The following PRX variants were observed in gnomAD, a reference collection of about 807,000 sequenced individuals.
PRX encodes periaxin.
Under a neutral mutation model 29.6 loss-of-function variants are expected in PRX, and 24 were observed. The ratio of observed to expected loss-of-function variants is 0.81; its 90% CI spans 0.59 to 1.14. PRX has a LOEUF of 1.14. PRX is among the 50% of genes most tolerant of loss of function. The pLI is 0.00. For synonymous variants in PRX, 772 were observed against 831.7 expected (o/e 0.93, Z 1.24); for missense variants, 1,838 against 1,926.4 (o/e 0.95, Z 0.86).
At chr19:40,407,800 A>G (rs2079538902) in intron 4 of PRX, 106 bp downstream of exon 4, 3 of 1,487,044 alleles carry the variant, frequency 2.0e-6, no homozygotes, top group Non-Finnish European at 2.8e-6. Context: ...CATTTCACAG[A>G]TGGAGAGAAT....
Position 40,398,452 on chromosome 19 carries a change from C to T in PRX, c.381+168G>A. On this transcript the variant is annotated intron_variant, in intron 6 of 6. Coordinates refer to ENST00000324001, the MANE Select transcript of PRX (RefSeq NM_181882.3). This position sits in a 1 kb window ranked among gnomAD's most constrained non-coding sequence, Gnocchi z 6.3. ...GGCTGGGGTGGGTCTGTCCCCCTTCCCGGGGAAGAGTTTGGGGCAGAGAGG... is the reference window on the plus strand; with the variant it reads ...GGCTGGGGTGGGTCTGTCCCCCTTCTCGGGGAAGAGTTTGGGGCAGAGAGG... 2 of 1,518,552 alleles carry T rather than the reference C, an allele frequency of 1.3e-6. No homozygotes were observed. Among genetic ancestry groups the T allele is most frequent in the East Asian group, 4.5e-5 (2 of 44,010 alleles). 94.1% of individuals were successfully genotyped at this position (1,518,552 alleles called of 1,614,324 possible).
At position 40,395,422 on chromosome 19, in the gene PRX, G is replaced by C; in HGVS notation, c.2930C>G (p.Ala977Gly). Residue 977 changes from alanine (A) to glycine (G), a missense_variant, in exon 7 of 7, where the codon GCC (alanine) becomes GGC (glycine). Ala to Gly is a moderately conservative substitution (Grantham distance 60, BLOSUM62 0). Around this residue, in one of 3 missense-constraint regions of PRX, gnomAD observed 1,143 missense variants for 1,193.0 expected, o/e 0.96. Coordinates refer to ENST00000324001, the MANE Select transcript of PRX (RefSeq NM_181882.3). ...CAGGCCTGCCTCCCCAGCCCCTTTGGCCTCAGCCTCAGCCCCCACCCGAGC... is the reference window on the plus strand; with the variant it reads ...CAGGCCTGCCTCCCCAGCCCCTTTGCCCTCAGCCTCAGCCCCCACCCGAGC... Reference protein sequence around the residue: ...PKARVGAEAEAKGAGEAGLLP... With the variant: ...PKARVGAEAEGKGAGEAGLLP... The C allele has an allele frequency of 6.2e-7, 1 of 1,613,886 alleles. No individual in the cohort carries two copies. Among genetic ancestry groups the C allele is most frequent in the Non-Finnish European group, 8.5e-7 (1 of 1,179,958 alleles).
At chr19:40,407,253 T>TGTGTGTGTGTGTG (rs1303300315) in intron 4 of PRX, among the ~76,000 whole-genome samples, 5 of 147,098 alleles carry the variant, frequency 3.4e-5, no homozygotes, top group African/African-American at 1.3e-4. Flanking sequence ...TGTGTGTGTG[T>TGTGTGTGTGTGTG]TTAGACAGGG....
Position 40,399,913 on chromosome 19 carries a change from C to CTTTCTTTCT in PRX, c.185-1106_185-1098dup, listed in dbSNP as rs1568712060. Among the ~76,000 whole-genome samples, 215 of 115,054 alleles carry CTTTCTTTCT rather than the reference C, an allele frequency of 1.9e-3. 1 individual carries two copies. The highest frequency in any genetic ancestry group is 5.4e-3 in the East Asian group (23 of 4,230). The allele number at this position is 115,054 out of a possible 152,430, so 75.5% of individuals were successfully genotyped here. A position where few individuals can be genotyped will look rare whatever the true frequency, so the allele number is the denominator to read the frequency against. On this transcript the variant is annotated intron_variant, in intron 5 of 6. Coordinates refer to ENST00000324001, the MANE Select transcript of PRX (RefSeq NM_181882.3). ...TTTCTTTCTTTCTTTCTTTTTCTTT[C>CTTTCTTTCT]TTTCTTTCTTTCACCCAGCTTTCTT...
chr19:40,408,846 T>A lies in PRX; in HGVS notation c.-242-463A>T, dbSNP rs74856338. On this transcript the variant is annotated intron_variant, in intron 1 of 6. Coordinates refer to ENST00000324001, the MANE Select transcript of PRX (RefSeq NM_181882.3). ...GTGTGTGTGTGTGTGTGTGTGTGTG[T>A]GAGAGAGAGAGTTTTGCTCTGTCAC... is the stretch of plus-strand genomic sequence containing the variant. Among the ~76,000 whole-genome samples, 807 of 148,210 alleles carry A rather than the reference T, an allele frequency of 5.4e-3. 1 individual carries two copies. Among genetic ancestry groups the A allele is most frequent in the East Asian group, 0.012 (60 of 5,110 alleles).
rs775216728 is a variant in PRX, at chr19:40,407,921, C to T, written c.12G>A (p.Arg4=). 2 of 1,613,820 alleles carry T rather than the reference C, an allele frequency of 1.2e-6. No homozygotes were observed. The highest frequency in any genetic ancestry group is 1.7e-6 in the Non-Finnish European group (2 of 1,180,046). The change falls in exon 4 of 7, where the codon AGG becomes AGA. Residue 4 remains arginine, a synonymous_variant. Coordinates refer to ENST00000324001, the MANE Select transcript of PRX (RefSeq NM_181882.3). MEA[R]SRSAEELRRA... ...GGGCACTCACCTCGGCACTCCGGCTCCTGGCCTCCATGGCGTTGCTGGGAG... is the reference window on the plus strand; with the variant it reads ...GGGCACTCACCTCGGCACTCCGGCTTCTGGCCTCCATGGCGTTGCTGGGAG...
chr19:40,404,424 T>TGGGGGGGGGGGGGGGGGGG (rs71171571), intron 4 of PRX, among the ~76,000 whole-genome samples: 1 of 65,458 alleles, frequency 1.5e-5, no homozygotes, highest in African/African-American at 5.2e-5. Flanking sequence ...AGGGCGGGGC[T>TGGGGGGGGGGGGGGGGGGG]GGGGGGGGTT....
At chr19:40,409,479 T>TATTATTATTATC (rs893270646) in intron 1 of PRX, among the ~76,000 whole-genome samples, 14 of 149,002 alleles carry the variant, frequency 9.4e-5, no homozygotes, top group Non-Finnish European at 2.1e-4. Flanking sequence ...TTATTATTAT[T>TATTATTATTATC]ATTATTATTT....
chr19:40,395,573 G>A lies in PRX; in HGVS notation c.2779C>T (p.Pro927Ser), dbSNP rs1568704990. ...TTAGGTAAGGAGAACTTGGAAGAGG[G>A]CTTGACTTTTGTCTCTATCATCTCC... is the stretch of plus-strand genomic sequence containing the variant. ...RLEMIETKVK[P>S]SSKFSLPKFG... Residue 927 changes from proline to serine, a missense_variant, in exon 7 of 7, where the codon CCC (proline) becomes TCC (serine). Around this residue, in one of 3 missense-constraint regions of PRX, gnomAD observed 1,143 missense variants for 1,193.0 expected, o/e 0.96. Transcript: ENST00000324001. 1.2e-6 allele frequency: 2 copies of A among 1,614,174 alleles called. No individual in the cohort carries two copies. Among genetic ancestry groups the A allele is most frequent in the South Asian group, 1.1e-5 (1 of 91,076 alleles).
In PRX at chr19:40,394,326, C is replaced by G; in HGVS notation, c.4026G>C (p.Glu1342Asp). The stretch of plus-strand genomic sequence containing the variant: ...TGGGGGACCCTTCCCCAGTGACCAT[C>G]TCACTTTGGCTGAAGCCCACTCGGG... ...RLPRVGFSQSEMVTGEGSPSP... is the reference protein window; with the variant it reads ...RLPRVGFSQSDMVTGEGSPSP... Residue 1342 changes from glutamate (E) to aspartate (D), a missense_variant, in exon 7 of 7, where the codon GAG becomes GAC. Coordinates refer to ENST00000324001, the MANE Select transcript of PRX (RefSeq NM_181882.3). This position sits in a 1 kb window ranked among gnomAD's most constrained non-coding sequence, Gnocchi z 5.8. 6.2e-7 allele frequency: 1 copy of G among 1,609,094 alleles called. No individual in the cohort carries two copies. Among genetic ancestry groups the G allele is most frequent in the Non-Finnish European group, 8.5e-7 (1 of 1,177,594 alleles).
At chr19:40,405,230 T>C (rs987946611) in intron 4 of PRX, among the ~76,000 whole-genome samples, 1 of 152,134 alleles carries the variant, frequency 6.6e-6, no homozygotes, top group African/African-American at 2.4e-5. Flanking sequence ...GGATTCACAA[T>C]AGGGCTTCCC....
intron 4 of PRX, 92 bp from the exon 5 acceptor site, chr19:40,403,954 TA>T: frequency 7.4e-7 from 1 of 1,353,388 alleles, no homozygotes; most frequent in Non-Finnish European, 1.0e-6. Flanking sequence ...CATATACATA[TA>T]TATGTTTATA....
In PRX at chr19:40,397,663, G is replaced by A. The variant is rs543910962; in HGVS notation, c.689C>T (p.Thr230Ile). The A allele has an allele frequency of 1.1e-5, 17 of 1,552,412 alleles. No individual in the cohort carries two copies. In the East Asian group the frequency reaches 2.4e-4, roughly 22 times the overall value. Residue 230 changes from threonine to isoleucine, a missense_variant, in exon 7 of 7, where the codon ACA (threonine) becomes ATA (isoleucine). This residue lies in a region of PRX where 666 missense variants were observed against 665.0 expected (regional missense o/e 1.00). Transcript: ENST00000324001. ...CCCAACCAGCTCCACCTGAGGGGCT[G>A]TGAAACGAGCTCCTGCAGCCACCTC... is the stretch of plus-strand genomic sequence containing the variant. ...EAEVAAGARF[T>I]APQVELVGPR...
chr19:40,414,162 G>A (rs1239365024), upstream of PRX, among the ~76,000 whole-genome samples: 1 of 152,000 alleles, frequency 6.6e-6, no homozygotes, highest in Non-Finnish European at 1.5e-5. Context: ...TCACTCTGTT[G>A]CCCAGGCTGG....
Position 40,393,934 on chromosome 19 carries a change from G to A in PRX, c.*32C>T, listed in dbSNP as rs983485749. On this transcript the variant is annotated 3_prime_UTR_variant, in exon 7 of 7. Coordinates refer to ENST00000324001, the MANE Select transcript of PRX (RefSeq NM_181882.3). ...AACAGCGAGGGGGTAGAGAAAGGAA[G>A]GCAAGAAGGGATCCCCATCTGACTA... 3.1e-6 allele frequency: 5 copies of A among 1,606,026 alleles called. No individual in the cohort carries two copies. Among genetic ancestry groups the A allele is most frequent in the Non-Finnish European group, 2.5e-6 (3 of 1,179,646 alleles).
chr19:40,413,639 A>G (rs2079569498), upstream of PRX, among the ~76,000 whole-genome samples: 1 of 152,096 alleles, frequency 6.6e-6, no homozygotes, highest in Admixed American at 6.5e-5. Flanking sequence ...GACTTGGAGA[A>G]TCAGGACCCC....
Position 40,394,457 on chromosome 19 carries a change from C to T in PRX, c.3895G>A (p.Glu1299Lys). ...CGTACCTTGAGCTTGTGTCCGGCCT[C>T]TCCCTCCCCCTCTGCCACCTGGTAC... ...AEYQVAEGEG[E>K]AGHKLKVRLP... is the part of the protein sequence containing the mutation. Residue 1299 changes from glutamate (E) to lysine (K), a missense_variant, in exon 7 of 7, where the codon GAG becomes AAG. This residue lies in a region of PRX where 1,143 missense variants were observed against 1,193.0 expected (regional missense o/e 0.96). Coordinates refer to ENST00000324001, the MANE Select transcript of PRX (RefSeq NM_181882.3). The surrounding 1 kb of genome is among the most constrained non-coding windows in gnomAD (Gnocchi z 5.8). The T allele has an allele frequency of 6.2e-7, 1 of 1,601,188 alleles. No individual in the cohort carries two copies. Among genetic ancestry groups the T allele is most frequent in the Non-Finnish European group, 8.5e-7 (1 of 1,174,178 alleles).
At position 40,398,589 on chromosome 19, in the gene PRX, C is replaced by A; in HGVS notation, c.381+31G>T. 4 of 1,611,490 alleles carry A rather than the reference C, an allele frequency of 2.5e-6. No individual in the cohort carries two copies. The highest frequency in any genetic ancestry group is 3.4e-6 in the Non-Finnish European group (4 of 1,179,472). Reference sequence around the variant, plus strand: ...GCAGAGACCGGATCGCTGGGGCAGTCCAGGGCCGGGGCCGGGCTAAGCACG... The same window carrying A: ...GCAGAGACCGGATCGCTGGGGCAGTACAGGGCCGGGGCCGGGCTAAGCACG... On this transcript the variant is annotated intron_variant, in intron 6 of 6. Coordinates refer to ENST00000324001, the MANE Select transcript of PRX (RefSeq NM_181882.3). This position sits in a 1 kb window ranked among gnomAD's most constrained non-coding sequence, Gnocchi z 6.3.
Position 40,403,632 on chromosome 19 carries a change from C to T in PRX, c.184+74G>A, listed in dbSNP as rs866572005. ...CCCATCCCCCGGTCAGTTTCAGCCTCTCTTTGGACCCAAGGCAGATTCCTA... is the reference window on the plus strand; with the variant it reads ...CCCATCCCCCGGTCAGTTTCAGCCTTTCTTTGGACCCAAGGCAGATTCCTA... On this transcript the variant is annotated intron_variant, in intron 5 of 6. Coordinates refer to ENST00000324001, the MANE Select transcript of PRX (RefSeq NM_181882.3). The T allele has an allele frequency of 3.8e-5, 56 of 1,477,452 alleles. No individual in the cohort carries two copies. In the Middle Eastern group the frequency reaches 1.2e-3, roughly 32 times the overall value. 91.5% of individuals were successfully genotyped at this position (1,477,452 alleles called of 1,614,324 possible). A position where few individuals can be genotyped will look rare whatever the true frequency, so the allele number is the denominator to read the frequency against.
Sources: allele counts gnomAD v4.1 joint callset (sites outside exome capture counted in the v4.1 genomes callset), GRCh38; gene constraint gnomAD v4.1.1; regional missense constraint gnomAD v4.1.1; non-coding constraint Gnocchi (gnomAD v3.1); transcripts MANE v1.5; gene names NCBI Gene and HGNC (gene_info 2026-07-23, HGNC 2026-07-21).